Variants in PVT1 observed in about 807,000 individuals in gnomAD.
PVT1 encodes the protein Pvt1 oncogene.
At chr8:128,092,777 T>G (rs531754064) in intron 5 of PVT1, among the ~76,000 whole-genome samples, 56 of 152,264 alleles carry the variant, frequency 3.7e-4, no homozygotes, top group African/African-American at 1.2e-3. Flanking sequence ...TTTGTCAAAA[T>G]CTTACTCTCA....
At position 127,965,818 on chromosome 8, in the gene PVT1, G is replaced by A. The variant is rs142734228; in HGVS notation, n.783-23344G>A. On this transcript the variant is annotated intron_variant and non_coding_transcript_variant, in intron 3 of 10. Coordinates refer to ENST00000651587, the Ensembl canonical transcript of PVT1. ...GAGATGAGCAGGCTGTTCAGAGTCC[G>A]CCAGGAGCTCTGTGCTTGAAGCTCT... Among the ~76,000 whole-genome samples the A allele has an allele frequency of 7.7e-3, 1,168 of 152,274 alleles. 18 individuals carry two copies. Among genetic ancestry groups the A allele is most frequent in the African/African-American group, 0.027 (1,118 of 41,536 alleles).
In PVT1 at chr8:127,924,176, C is replaced by T. The variant is rs551779864; in HGVS notation, n.782+33178C>T. Among the ~76,000 whole-genome samples, 26 of 152,270 alleles carry T rather than the reference C, an allele frequency of 1.7e-4. No individual in the cohort carries two copies. The South Asian group carries it at 1.9e-3, about 11-fold the overall frequency. On this transcript the variant is annotated intron_variant and non_coding_transcript_variant, in intron 3 of 10. Coordinates refer to ENST00000651587, the Ensembl canonical transcript of PVT1. ...GCCTCTTCTAGAAGCCACCAGTTTGCGTTTTCATACAGTGGCTGGGATCCA... is the reference window on the plus strand; with the variant it reads ...GCCTCTTCTAGAAGCCACCAGTTTGTGTTTTCATACAGTGGCTGGGATCCA...
At chr8:128,055,567 T>C (rs1813753212) in intron 4 of PVT1, among the ~76,000 whole-genome samples, 1 of 152,244 alleles carries the variant, frequency 6.6e-6, no homozygotes, top group South Asian at 2.1e-4. Flanking sequence ...CAGTTCTCTA[T>C]TTGCTGCACA....
chr8:128,029,471 A>G (rs192219733), intron 4 of PVT1, among the ~76,000 whole-genome samples: 240 of 152,252 alleles, frequency 1.6e-3, no homozygotes, highest in African/African-American at 5.4e-3. Flanking sequence ...TGACTGCACA[A>G]TTTAAGAAAT....
chr8:128,021,606 T>A (rs1314312206), intron 4 of PVT1, among the ~76,000 whole-genome samples: 8 of 152,156 alleles, frequency 5.3e-5, no homozygotes, highest in Non-Finnish European at 4.4e-5. Flanking sequence ...CTGGGCCATC[T>A]TTATACTCAG....
chr8:128,064,289 G>A (rs558732337), intron 4 of PVT1, among the ~76,000 whole-genome samples: 7 of 152,222 alleles, frequency 4.6e-5, no homozygotes, highest in Non-Finnish European at 1.0e-4. Context: ...AGCAGAGAGC[G>A]ATTCATGGTT....
chr8:128,026,893 A>C (rs11783127), intron 4 of PVT1, among the ~76,000 whole-genome samples: 70,706 of 151,872 alleles, frequency 0.47, 17,438 homozygotes, highest in African/African-American at 0.61. Flanking sequence ...GAAGAGATGG[A>C]AGAGTCTGGA....
chr8:127,964,352 G>A (rs1245556136), intron 3 of PVT1, among the ~76,000 whole-genome samples: 9 of 152,118 alleles, frequency 5.9e-5, no homozygotes, highest in African/African-American at 9.7e-5. Flanking sequence ...TCAGCTTGGC[G>A]GATACAGCAG....
intron 2 of PVT1, among the ~76,000 whole-genome samples, chr8:127,867,065 T>C (rs1282148957): frequency 2.0e-5 from 3 of 152,222 alleles, no homozygotes; most frequent in African/African-American, 7.2e-5. Context: ...TACCAAGTGG[T>C]TTCCACCTAG....
At chr8:127,953,372 T>G (rs1816530352) in intron 3 of PVT1, among the ~76,000 whole-genome samples, 1 of 152,200 alleles carries the variant, frequency 6.6e-6, no homozygotes, top group Admixed American at 6.6e-5. Context: ...GTAGATTGCC[T>G]GAGAACCTGA....
intron 4 of PVT1, among the ~76,000 whole-genome samples, chr8:128,038,436 T>C (rs1396809973): frequency 6.6e-6 from 1 of 152,174 alleles, no homozygotes; most frequent in Non-Finnish European, 1.5e-5. Context: ...TAATGGGGTC[T>C]GTAGCCAAGT....
At position 128,080,913 on chromosome 8, in the gene PVT1, C is replaced by CT. The variant is rs557634654; in HGVS notation, n.1114+10559dup. Among the ~76,000 whole-genome samples, 11 of 152,110 alleles carry CT rather than the reference C, an allele frequency of 7.2e-5. No individual in the cohort carries two copies. In the East Asian group the frequency reaches 2.1e-3, roughly 29 times the overall value. The stretch of plus-strand genomic sequence containing the variant: ...AGGGTTTAAGATCTATATTTAGATT[C>CT]TTTTTTTGCAAATGAATGTCTGGTT... On this transcript the variant is annotated intron_variant and non_coding_transcript_variant, in intron 5 of 10. Coordinates refer to ENST00000651587, the Ensembl canonical transcript of PVT1.
chr8:127,977,401 C>A (rs985913977), intron 3 of PVT1, among the ~76,000 whole-genome samples: 75 of 152,246 alleles, frequency 4.9e-4, no homozygotes, highest in African/African-American at 1.8e-3. Flanking sequence ...GCAGGAGATA[C>A]CTGAAGAAAC....
intron 3 of PVT1, among the ~76,000 whole-genome samples, chr8:127,905,594 A>G (rs1449201234): frequency 2.0e-5 from 3 of 152,164 alleles, no homozygotes; most frequent in African/African-American, 7.2e-5. Flanking sequence ...AGCACCTACT[A>G]TGTGCAGGGC....
chr8:127,958,481 C>T (rs1202462883), intron 3 of PVT1, among the ~76,000 whole-genome samples: 8 of 152,160 alleles, frequency 5.3e-5, no homozygotes, highest in African/African-American at 1.4e-4. Flanking sequence ...CTCAGGCATC[C>T]GCCTGCTTTG....
At chr8:127,804,065 GT>G (rs1393664457) in intron 2 of PVT1, among the ~76,000 whole-genome samples, 1 of 151,974 alleles carries the variant, frequency 6.6e-6, no homozygotes, top group Non-Finnish European at 1.5e-5. Flanking sequence ...GCATGTACCT[GT>G]AGTTCCATCT....
chr8:127,884,291 A>T (rs1036591926), intron 2 of PVT1, among the ~76,000 whole-genome samples: 2 of 152,208 alleles, frequency 1.3e-5, no homozygotes, highest in African/African-American at 4.8e-5. Context: ...TGTGGGATAT[A>T]TTCATGTGGT....
chr8:127,908,255 G>A (rs769965115), intron 3 of PVT1, among the ~76,000 whole-genome samples: 15 of 151,974 alleles, frequency 9.9e-5, no homozygotes, highest in Non-Finnish European at 1.5e-5. Flanking sequence ...TCGGCCGTGA[G>A]GAGGGTGGAT....
chr8:127,833,428 T>C (rs1176957160), intron 2 of PVT1, among the ~76,000 whole-genome samples: 1 of 151,304 alleles, frequency 6.6e-6, no homozygotes, highest in Non-Finnish European at 1.5e-5. Context: ...ATCAATCCCA[T>C]GGACAGAGTC....
Sources: allele counts gnomAD v4.1 joint callset (sites outside exome capture counted in the v4.1 genomes callset), GRCh38; gene constraint gnomAD v4.1.1; transcripts MANE v1.5; gene names NCBI Gene and HGNC (gene_info 2026-07-23, HGNC 2026-07-21).